The following EIF4E2 variants were observed in gnomAD, a reference collection of about 807,000 sequenced individuals.
The protein encoded by EIF4E2 is eukaryotic translation initiation factor 4E family member 2, also known as eukaryotic translation initiation factor 4E type 2.
A neutral mutation model predicts 34.2 loss-of-function variants in EIF4E2; 13 were observed. That is an observed-to-expected ratio of 0.38 (90% CI 0.25 to 0.60). The LOEUF (loss-of-function observed/expected upper bound fraction) is 0.60. Among genes scored for constraint, EIF4E2 ranks in the 20% least tolerant of loss-of-function variants. EIF4E2 has a pLI of 0.62. For synonymous variants in EIF4E2, 100 were observed against 106.6 expected, an observed-to-expected ratio of 0.94 and a Z score of 0.38; for missense variants, 222 against 315.1, an observed-to-expected ratio of 0.70 and a Z score of 2.24.
Position 232,566,764 on chromosome 2 carries a change from T to A in EIF4E2, c.376-65T>A. Reference sequence around the variant, plus strand: ...GTTTAAGAGATTCTTGGCTTTTTACTGCCTTCATACAAAAAAAGGCTGTGA... The same window carrying A: ...GTTTAAGAGATTCTTGGCTTTTTACAGCCTTCATACAAAAAAAGGCTGTGA... On this transcript the variant is annotated intron_variant, in intron 4 of 6. Coordinates refer to ENST00000258416, the MANE Select transcript of EIF4E2 (RefSeq NM_004846.4). This position sits in a 1 kb window ranked among gnomAD's most constrained non-coding sequence, Gnocchi z 4.9. The A allele has an allele frequency of 6.3e-7, 1 of 1,584,130 alleles. No homozygotes were observed. The highest frequency in any genetic ancestry group is 8.6e-7 in the Non-Finnish European group (1 of 1,161,226).
In EIF4E2 at chr2:232,569,149, A is replaced by G. The variant is rs1367677621; in HGVS notation, c.*132A>G. The stretch of plus-strand genomic sequence containing the variant: ...TGGAAGAGCATTTTATGTTTTAAGA[A>G]CAGGCTGACACGCAGCAGCTACAAC... On this transcript the variant is annotated 3_prime_UTR_variant, in exon 7 of 7. Transcript: ENST00000258416. The G allele has an allele frequency of 3.4e-6, 5 of 1,476,128 alleles. No individual in the cohort carries two copies. The highest frequency in any genetic ancestry group is 2.7e-6 in the Non-Finnish European group (3 of 1,114,424). The allele number at this position is 1,476,128 out of a possible 1,614,324, so 91.4% of individuals were successfully genotyped here.
At chr2:232,570,320 G>A (rs1430140793), downstream of EIF4E2, among the ~76,000 whole-genome samples, 3 of 152,198 alleles carry the variant, frequency 2.0e-5, no homozygotes, top group Non-Finnish European at 4.4e-5. Flanking sequence ...CCTATAAAAT[G>A]AGAGATTTGC....
chr2:232,582,624 C>T (rs1693385815), exon 7 of EIF4E2: 1 of 152,202 alleles, frequency 6.6e-6, no homozygotes, highest in South Asian at 2.1e-4. Context: ...GAGGTCTTCA[C>T]TTTTGCCTAA....
intron 1 of EIF4E2, among the ~76,000 whole-genome samples, chr2:232,553,498 C>G (rs951892156): frequency 6.6e-6 from 1 of 152,136 alleles, no homozygotes; most frequent in African/African-American, 2.4e-5. Flanking sequence ...AGGTATTGGT[C>G]TAGTTCAGAG....
intron 1 of EIF4E2, among the ~76,000 whole-genome samples, chr2:232,554,826 G>A (rs1352093130): frequency 2.6e-5 from 4 of 152,266 alleles, no homozygotes; most frequent in African/African-American, 9.6e-5. Context: ...CCATATGGCT[G>A]CCCCAGCTCC....
chr2:232,561,872 A>T (rs1173516724), intron 3 of EIF4E2, among the ~76,000 whole-genome samples: 6 of 148,656 alleles, frequency 4.0e-5, no homozygotes, highest in Non-Finnish European at 6.0e-5. Context: ...GTGAATGCTT[A>T]TTTTTTTTTT....
intron 6 of EIF4E2, chr2:232,567,542 T>A (rs1692978941): frequency 8.0e-7 from 1 of 1,243,164 alleles, no homozygotes; most frequent in Non-Finnish European, 1.0e-6. Context: ...TTTCTTTTTC[T>A]TGCTGTTTTT....
chr2:232,555,973 G>C (rs1190446), intron 1 of EIF4E2, among the ~76,000 whole-genome samples: 29,448 of 152,166 alleles, frequency 0.19, 3,318 homozygotes, highest in Admixed American at 0.28. Context: ...GACGTGTCAG[G>C]AGAAGAGGGC....
intron 1 of EIF4E2, among the ~76,000 whole-genome samples, chr2:232,551,939 C>T (rs1692349218): frequency 1.3e-5 from 2 of 152,166 alleles, no homozygotes; most frequent in South Asian, 4.1e-4. Flanking sequence ...TGCTGTTTAA[C>T]TGAGCCTGTC....
intron 6 of EIF4E2, among the ~76,000 whole-genome samples, chr2:232,580,426 T>C (rs1310278594): frequency 6.6e-6 from 1 of 152,190 alleles, no homozygotes; most frequent in African/African-American, 2.4e-5. Flanking sequence ...CACTGCCCCA[T>C]GTAACCACTG....
chr2:232,568,749 T>A (rs964859977), intron 6 of EIF4E2, 196 bp from the exon 7 acceptor site: 13 of 985,462 alleles, frequency 1.3e-5, no homozygotes, highest in Non-Finnish European at 1.6e-5. Context: ...TAGGAGAGCC[T>A]GTGGGCTTTT....
intron 3 of EIF4E2, among the ~76,000 whole-genome samples, chr2:232,563,459 A>G (rs1692797540): frequency 6.6e-6 from 1 of 152,130 alleles, no homozygotes. Flanking sequence ...ATGAATACAA[A>G]TAAGCATATA....
intron 1 of EIF4E2, chr2:232,551,009 T>C (rs1435239200): frequency 3.3e-6 from 2 of 606,124 alleles, no homozygotes; most frequent in African/African-American, 3.7e-5. Context: ...TAGGGGGAGA[T>C]TTTCGGACGC....
intron 6 of EIF4E2, chr2:232,568,143 T>C: frequency 1.0e-6 from 1 of 985,426 alleles, no homozygotes; most frequent in Non-Finnish European, 1.2e-6. Flanking sequence ...AGTAGTAGTA[T>C]TGCTATCATC....
At chr2:232,563,887 A>C (rs777223260) in intron 3 of EIF4E2, among the ~76,000 whole-genome samples, 1 of 152,204 alleles carries the variant, frequency 6.6e-6, no homozygotes, top group Admixed American at 6.5e-5. Context: ...AAGAGTTTCC[A>C]TTGTGCAAAA....
exon 7 of EIF4E2, chr2:232,583,089 T>G (rs1421021784): frequency 6.6e-6 from 1 of 152,202 alleles, no homozygotes; most frequent in Non-Finnish European, 1.5e-5. Context: ...TCATCTATTT[T>G]TACTCCATGG....
intron 3 of EIF4E2, among the ~76,000 whole-genome samples, chr2:232,559,458 T>C (rs940122595): frequency 1.4e-5 from 2 of 147,556 alleles, no homozygotes; most frequent in African/African-American, 5.1e-5. Context: ...AAAAATAAAA[T>C]AAAATGCAGA....
chr2:232,578,236 C>G (rs558234088), intron 6 of EIF4E2, among the ~76,000 whole-genome samples: 1 of 152,322 alleles, frequency 6.6e-6, no homozygotes, highest in South Asian at 2.1e-4. Flanking sequence ...CCTGGCTTTT[C>G]CTTTACTCTT....
In EIF4E2 at chr2:232,556,506, G is replaced by A; in HGVS notation, c.111G>A (p.Lys37=). The A allele has an allele frequency of 1.2e-6, 2 of 1,613,002 alleles. No homozygotes were observed. The highest frequency in any genetic ancestry group is 1.3e-5 in the African/African-American group (1 of 75,038). ...AGAAGGAAAAAACGGAACGAGACAA[G>A]AATCAGAGCAGTAGCAAGAGAAAGG... ...DGEKEKTERD[K]NQSSSKRKAV... The change falls in exon 2 of 7, where the codon AAG becomes AAA. Residue 37 remains lysine, a synonymous_variant. Transcript: ENST00000258416.
Sources: gnomAD v4.1 joint callset for allele counts (sites outside exome capture counted in the v4.1 genomes callset) on GRCh38, gnomAD v4.1.1 for gene constraint, Gnocchi (gnomAD v3.1) non-coding constraint, MANE v1.5 for transcripts, NCBI Gene and HGNC (gene_info 2026-07-23, HGNC 2026-07-21) for gene names.